PHF14: variants seen among roughly 807,000 people sequenced by gnomAD.
PHF14 encodes the protein PHD finger protein 14.
PHF14 carries 55 observed loss-of-function variants against 117.9 expected under a neutral mutation model. That is an observed-to-expected ratio of 0.47 (90% CI 0.38 to 0.58). PHF14 has a LOEUF of 0.58. Ranked by LOEUF, PHF14 falls within the 20% of genes least tolerant of loss-of-function variation. The pLI is 0.00. For missense variants in PHF14, 978 were observed against 1,122.2 expected (o/e 0.87, Z 1.84); for synonymous variants, 409 against 368.6 (o/e 1.11, Z -1.26).
At chr7:11,151,676 G>A (rs1366196355) in intron 17 of PHF14, among the ~76,000 whole-genome samples, 1 of 152,068 alleles carries the variant, frequency 6.6e-6, no homozygotes, top group Non-Finnish European at 1.5e-5. Context: ...TCTTGAGTTT[G>A]AGCTATCAAT....
chr7:11,057,635 A>G (rs1583420513), intron 14 of PHF14, among the ~76,000 whole-genome samples: 1 of 152,132 alleles, frequency 6.6e-6, no homozygotes, highest in African/African-American at 2.4e-5. Context: ...CGGCCTCCCA[A>G]AGTACTAAGA....
In PHF14 at chr7:11,061,999, T is replaced by G; in HGVS notation, c.2568T>G (p.Ser856=). Reference sequence around the variant, plus strand: ...CTAGAGAGAGAAGACAAAGACAGTCTGTGTTGCAAAAGAAGCCCAAGGCTG... The same window carrying G: ...CTAGAGAGAGAAGACAAAGACAGTCGGTGTTGCAAAAGAAGCCCAAGGCTG... The part of the protein sequence containing the change: ...RVPRERRQRQ[S]VLQKKPKAED... Residue 856 remains serine, a synonymous_variant, in exon 16 of 18, where the codon TCT becomes TCG. Transcript: ENST00000634607. 1 of 1,604,426 alleles carries G rather than the reference T, an allele frequency of 6.2e-7. No individual in the cohort carries two copies. The highest frequency in any genetic ancestry group is 8.5e-7 in the Non-Finnish European group (1 of 1,174,668).
At chr7:11,111,759 TA>T (rs1169071617) in intron 17 of PHF14, among the ~76,000 whole-genome samples, 2 of 152,092 alleles carry the variant, frequency 1.3e-5, no homozygotes, top group African/African-American at 4.8e-5. Context: ...CACTCTCTGC[TA>T]ACTTAACACA....
In PHF14 at chr7:10,993,322, A is replaced by G. The variant is rs1429776633; in HGVS notation, c.1045+2475A>G. ...TTCTGGTATTACAGCCCTTGTCCCA[A>G]GTAATTCTGGGAGTCTGCTGGACTT... On this transcript the variant is annotated intron_variant, in intron 4 of 17. Coordinates refer to ENST00000634607, the MANE Select transcript of PHF14 (RefSeq NM_001007157.2). Among the ~76,000 whole-genome samples the G allele has an allele frequency of 5.3e-5, 8 of 152,034 alleles. No individual in the cohort carries two copies. The South Asian group carries it at 1.2e-3, about 24-fold the overall frequency.
chr7:11,160,097 C>G (rs1016484404), intron 17 of PHF14, among the ~76,000 whole-genome samples: 13 of 152,054 alleles, frequency 8.5e-5, no homozygotes, highest in African/African-American at 3.1e-4. Flanking sequence ...TCTCCAGTGT[C>G]TATTATTGCC....
intron 16 of PHF14, among the ~76,000 whole-genome samples, chr7:11,082,421 TTTTG>T (rs1413914483): frequency 4.6e-5 from 7 of 152,212 alleles, no homozygotes; most frequent in African/African-American, 7.2e-5. Context: ...TCAATTCTCT[TTTTG>T]TTTGTCTATC....
chr7:11,067,219 C>G (rs79432044), intron 16 of PHF14, among the ~76,000 whole-genome samples: 4 of 152,102 alleles, frequency 2.6e-5, no homozygotes, highest in African/African-American at 9.7e-5. Flanking sequence ...CTCAACATCA[C>G]GAATCATTCA....
intron 17 of PHF14, among the ~76,000 whole-genome samples, chr7:11,122,183 A>G (rs927543294): frequency 2.0e-5 from 3 of 151,138 alleles, no homozygotes; most frequent in Non-Finnish European, 4.4e-5. Context: ...CCTGCAAAGG[A>G]CATGAACTCA....
chr7:11,039,228 A>G (rs894300935), intron 11 of PHF14, among the ~76,000 whole-genome samples: 9 of 151,622 alleles, frequency 5.9e-5, no homozygotes, highest in Admixed American at 1.3e-4. Flanking sequence ...TCCTGTCCTT[A>G]TGCTGTATTT....
intron 4 of PHF14, among the ~76,000 whole-genome samples, chr7:11,002,450 A>G (rs1248434749): frequency 8.5e-6 from 1 of 117,966 alleles, no homozygotes; most frequent in African/African-American, 2.6e-5. Flanking sequence ...TTATTTATTT[A>G]TTTTTGAGAC....
intron 17 of PHF14, among the ~76,000 whole-genome samples, chr7:11,124,557 C>G (rs1787863940): frequency 6.6e-6 from 1 of 151,936 alleles, no homozygotes. Context: ...ATGTATAATT[C>G]TATGTAATCC....
chr7:10,996,364 A>G (rs1206144566), intron 4 of PHF14, among the ~76,000 whole-genome samples: 1 of 152,250 alleles, frequency 6.6e-6, no homozygotes, highest in Non-Finnish European at 1.5e-5. Context: ...TGAAGATGTT[A>G]TGCAAAGATG....
intron 3 of PHF14, among the ~76,000 whole-genome samples, chr7:10,984,089 A>G (rs1201180948): frequency 2.0e-5 from 3 of 152,306 alleles, no homozygotes; most frequent in Non-Finnish European, 4.4e-5. Flanking sequence ...TTATTTCTTT[A>G]CCAAACACTT....
intron 17 of PHF14, among the ~76,000 whole-genome samples, chr7:11,115,505 A>G (rs546273651): frequency 1.4e-4 from 21 of 152,150 alleles, no homozygotes; most frequent in Admixed American, 1.1e-3. Context: ...TGTTTTTTCT[A>G]TTGATTTGCA....
intron 17 of PHF14, among the ~76,000 whole-genome samples, chr7:11,116,025 TG>T (rs1427940808): frequency 6.6e-6 from 1 of 152,150 alleles, no homozygotes; most frequent in Middle Eastern, 3.4e-3. Flanking sequence ...TAGTGATTTC[TG>T]GGGAAGAACC....
intron 16 of PHF14, chr7:11,104,393 T>C (rs1187707117): frequency 1.0e-6 from 1 of 954,058 alleles, no homozygotes; most frequent in Admixed American, 6.2e-5. Flanking sequence ...CTCCTAATAA[T>C]CTCTTAAATG....
chr7:11,087,140 C>T (rs2128337803), intron 16 of PHF14, among the ~76,000 whole-genome samples: 1 of 151,938 alleles, frequency 6.6e-6, no homozygotes, highest in African/African-American at 2.4e-5. Flanking sequence ...AAATTGAGAA[C>T]TCCTAATTTA....
intron 16 of PHF14, chr7:11,062,549 T>C (rs528317007): frequency 7.9e-6 from 2 of 252,108 alleles, no homozygotes; most frequent in African/African-American, 4.6e-5. Flanking sequence ...TCAAAACAAA[T>C]GTGTTAAATG....
chr7:11,010,935 A>G (rs772187277), intron 4 of PHF14, among the ~76,000 whole-genome samples: 2 of 152,202 alleles, frequency 1.3e-5, no homozygotes, highest in African/African-American at 2.4e-5. Context: ...GATTGCAGGC[A>G]TGAACTACAC....
Sources: gnomAD v4.1 joint callset for allele counts (sites outside exome capture counted in the v4.1 genomes callset) on GRCh38, gnomAD v4.1.1 for gene constraint, MANE v1.5 for transcripts, NCBI Gene and HGNC (gene_info 2026-07-23, HGNC 2026-07-21) for gene names.